Variants in PIH1D1 observed in about 807,000 individuals in gnomAD.
PIH1D1 encodes PIH1 domain containing 1.
A neutral mutation model predicts 38.5 loss-of-function variants in PIH1D1; 28 were observed. That is an observed-to-expected ratio of 0.73 (90% CI 0.54 to 1.00). The LOEUF (loss-of-function observed/expected upper bound fraction) is 1.00, where lower values mean the gene tolerates loss of function less well. Among genes scored for constraint, PIH1D1 ranks in the 50% least tolerant of loss-of-function variants. PIH1D1 has a pLI of 0.00. For missense variants in PIH1D1, 343 were observed against 369.9 expected (o/e 0.93, Z 0.60); for synonymous variants, 155 against 153.5 (o/e 1.01, Z -0.07).
chr19:49,447,628 C>G, intron 5 of PIH1D1, 161 bp from the exon 6 acceptor site: 2 of 961,676 alleles, frequency 2.1e-6, no homozygotes, highest in South Asian at 3.0e-5. Flanking sequence ...TAGTCACGCC[C>G]CTCCCATGAT....
In PIH1D1 at chr19:49,448,080, G is replaced by T; in HGVS notation, c.338-18C>A. On this transcript the variant is annotated intron_variant, in intron 3 of 8. Transcript: ENST00000262265. ...CTGGCCTTCTGCGGGGAGAAAAAGG[G>T]GGTGAGGACCCCCCAGCCCTCTGCA... 1 of 1,613,860 alleles carries T rather than the reference G, an allele frequency of 6.2e-7. No individual in the cohort carries two copies. Among genetic ancestry groups the T allele is most frequent in the South Asian group, 1.1e-5 (1 of 91,074 alleles).
At chr19:49,450,697 C>CCTTTTTTTTTTT in intron 2 of PIH1D1, 85 bp downstream of exon 2, 5 of 898,884 alleles carry the variant, frequency 5.6e-6, no homozygotes, top group East Asian at 2.8e-5. Context: ...CACCCTAGGC[C>CCTTTTTTTTTTT]TTTATTTTCG....
At chr19:49,450,561 G>A (rs934874365) in intron 2 of PIH1D1, among the ~76,000 whole-genome samples, 15 of 152,096 alleles carry the variant, frequency 9.9e-5, no homozygotes, top group African/African-American at 3.4e-4. Context: ...TGGGACTACA[G>A]GCACGTGCCA....
At chr19:49,447,645 CAAT>C in intron 5 of PIH1D1, 178 bp from the exon 6 acceptor site, 1 of 912,260 alleles carries the variant, frequency 1.1e-6, no homozygotes, top group South Asian at 1.6e-5. Flanking sequence ...TGATATGCCC[CAAT>C]AAAACCCACC....
Position 49,449,431 on chromosome 19 carries a change from G to A in PIH1D1, c.337+44C>T, listed in dbSNP as rs370961640. The A allele has an allele frequency of 7.6e-6, 12 of 1,585,464 alleles. No homozygotes were observed. In the South Asian group the frequency reaches 1.3e-4, roughly 18 times the overall value. On this transcript the variant is annotated intron_variant, in intron 3 of 8. Coordinates refer to ENST00000262265, the MANE Select transcript of PIH1D1 (RefSeq NM_017916.3). Reference sequence around the variant, plus strand: ...AGGATTCTTGGGTTCTAGGGAAGAAGGGGCCTAGCGGGCCAGACTCCTGGG... The same window carrying A: ...AGGATTCTTGGGTTCTAGGGAAGAAAGGGCCTAGCGGGCCAGACTCCTGGG...
rs1329592333 is a variant in PIH1D1 at position 49,448,158 on chromosome 19, C to T, written c.338-96G>A. On this transcript the variant is annotated intron_variant, in intron 3 of 8. Coordinates refer to ENST00000262265, the MANE Select transcript of PIH1D1 (RefSeq NM_017916.3). ...GGAAGAAACATTCAGGGACAGCGGC[C>T]GTAAGAAGCAGAGAGAGACATAAGG... The T allele has an allele frequency of 3.2e-6, 4 of 1,245,136 alleles. No homozygotes were observed. In the South Asian group the frequency reaches 3.7e-5, roughly 12 times the overall value. 77.1% of individuals were successfully genotyped at this position (1,245,136 alleles called of 1,614,324 possible).
chr19:49,447,624 C>T (rs895132343), intron 5 of PIH1D1, 157 bp from the exon 6 acceptor site: 13 of 965,584 alleles, frequency 1.3e-5, no homozygotes, highest in East Asian at 1.3e-4. Flanking sequence ...ACCTTAGTCA[C>T]GCCCCTCCCA....
chr19:49,451,450 G>A (rs566993756), intron 1 of PIH1D1, 35 bp downstream of exon 1: 1 of 1,612,786 alleles, frequency 6.2e-7, no homozygotes, highest in Admixed American at 1.7e-5. Context: ...CAAAATCCCC[G>A]AATACTCAAG....
chr19:49,449,100 G>A (rs977255926), intron 3 of PIH1D1: 1 of 358,018 alleles, frequency 2.8e-6, no homozygotes, highest in African/African-American at 2.1e-5. Context: ...CCTGAGACAG[G>A]AGAATCGTCT....
At chr19:49,450,939 G>C (rs1164476052) in intron 1 of PIH1D1, 91 bp from the exon 2 acceptor site, 3 of 1,605,470 alleles carry the variant, frequency 1.9e-6, no homozygotes, top group Non-Finnish European at 2.5e-6. Flanking sequence ...ATGCATGAGA[G>C]CTGTGGATAA....
At chr19:49,451,329 C>G in intron 1 of PIH1D1, 156 bp downstream of exon 1, 1 of 1,084,310 alleles carries the variant, frequency 9.2e-7, no homozygotes, top group South Asian at 1.5e-5. Context: ...GCGCCCGGCC[C>G]CCCACTCCCA....
chr19:49,447,769 G>C (rs1301207728), intron 5 of PIH1D1, 58 bp downstream of exon 5: 1 of 1,544,776 alleles, frequency 6.5e-7, no homozygotes. Flanking sequence ...TCCTAGGGGT[G>C]TTCCCCAAAC....
rs1454132329 is a variant in PIH1D1 at position 49,447,332 on chromosome 19, G to A, written c.611+6C>T. 3.7e-6 allele frequency: 6 copies of A among 1,613,730 alleles called. No homozygotes were observed. The South Asian group carries it at 6.6e-5, about 18-fold the overall frequency. ...ACATCAGACCGGGGATCTACCGAAGGCCCACCCTGACTCAGCTCTCCCGGG... is the reference window on the plus strand; with the variant it reads ...ACATCAGACCGGGGATCTACCGAAGACCCACCCTGACTCAGCTCTCCCGGG... On this transcript the variant is annotated splice_donor_region_variant and intron_variant, in intron 6 of 8. Coordinates refer to ENST00000262265, the MANE Select transcript of PIH1D1 (RefSeq NM_017916.3).
Position 49,447,826 on chromosome 19 carries a change from C to A in PIH1D1, c.481+1G>T, listed in dbSNP as rs1209793353. ...CCGAGGGCCCAGGACCTGCCCCTCA[C>A]CCGGATTCAGCTGCAAGTTGTATTT... On this transcript the variant is annotated splice_donor_variant, in intron 5 of 8. Transcript: ENST00000262265. LOFTEE classifies it high-confidence loss of function. 1 of 1,613,980 alleles carries A rather than the reference C, an allele frequency of 6.2e-7. No homozygotes were observed. Among genetic ancestry groups the A allele is most frequent in the Non-Finnish European group, 8.5e-7 (1 of 1,179,934 alleles).
chr19:49,448,375 A>G (rs4384693), intron 3 of PIH1D1: 320,499 of 429,794 alleles, frequency 0.75, 122,205 homozygotes, highest in African/African-American at 0.9. Context: ...TGGAGACCCT[A>G]TGTGGTCTGC....
intron 3 of PIH1D1, chr19:49,449,123 C>A: frequency 2.7e-6 from 1 of 368,372 alleles, no homozygotes; most frequent in Non-Finnish European, 5.3e-6. Context: ...ACCTGGGCAA[C>A]AAGAGCGAAA....
Position 49,446,497 on chromosome 19 carries a change from C to CA in PIH1D1, c.831+53dup, listed in dbSNP as rs2079023315. ...GCTCCCAGCCCCCCTCCCTGGGAGA[C>CA]AGAGTCCAGGCCCCGCCAATGTCCC... On this transcript the variant is annotated intron_variant, in intron 8 of 8. Transcript: ENST00000262265. The CA allele has an allele frequency of 3.8e-6, 6 of 1,589,256 alleles. 1 individual carries two copies. The Admixed American group carries it at 6.7e-5, about 18-fold the overall frequency.
At chr19:49,450,698 T>G in intron 2 of PIH1D1, 84 bp downstream of exon 2, 4 of 178,518 alleles carry the variant, frequency 2.2e-5, no homozygotes, top group Non-Finnish European at 4.1e-5. Context: ...ACCCTAGGCC[T>G]TTATTTTCGT....
rs1460784053 is a variant in PIH1D1, at chr19:49,446,325, TTTA to T, written c.*54_*56del. 5.1e-5 allele frequency: 40 copies of T among 782,934 alleles called. No homozygotes were observed. The allele number at this position is 782,934 out of a possible 1,614,324, so 48.5% of individuals were successfully genotyped here. A position where few individuals can be genotyped will look rare whatever the true frequency, so the allele number is the denominator to read the frequency against. On this transcript the variant is annotated 3_prime_UTR_variant, in exon 9 of 9. Transcript: ENST00000262265. The stretch of plus-strand genomic sequence containing the variant: ...AAGGCAAAAATCTTTTATTTCAACT[TTTA>T]GGGAAGCCAGCAGCCTCTTCTCCAC...
Sources: allele counts gnomAD v4.1 joint callset (sites outside exome capture counted in the v4.1 genomes callset), GRCh38; gene constraint gnomAD v4.1.1; transcripts MANE v1.5; gene names NCBI Gene and HGNC (gene_info 2026-07-23, HGNC 2026-07-21).